Variants in UGT2B11 observed in about 807,000 individuals in gnomAD.
UGT2B11 encodes the protein UDP glucuronosyltransferase family 2 member B11.
A neutral mutation model predicts 51.7 loss-of-function variants in UGT2B11; 49 were observed. That is an observed-to-expected ratio of 0.95 (90% CI 0.75 to 1.20). UGT2B11 has a LOEUF of 1.20. UGT2B11 is among the 50% of genes most tolerant of loss of function. The pLI is 0.00. For missense variants in UGT2B11, 810 were observed against 622.1 expected, an observed-to-expected ratio of 1.30 and a Z score of -3.21; for synonymous variants, 273 against 209.0, an observed-to-expected ratio of 1.31 and a Z score of -2.64.
At chr4:69,218,417 C>T (rs1370439500), upstream of UGT2B11, among the ~76,000 whole-genome samples, 1 of 151,942 alleles carries the variant, frequency 6.6e-6, no homozygotes, top group African/African-American at 2.4e-5. Flanking sequence ...TGATGGTAAT[C>T]TTTTGAAAGG....
At chr4:69,220,917 G>A in the UGT2B11 span, among the ~76,000 whole-genome samples, 1 of 152,110 alleles carries the variant, frequency 6.6e-6, no homozygotes, top group Non-Finnish European at 1.5e-5. Flanking sequence ...TAGAGAGTCG[G>A]TAGCTAATTC....
At chr4:69,221,052 C>T in the UGT2B11 span, among the ~76,000 whole-genome samples, 6 of 152,086 alleles carry the variant, frequency 3.9e-5, no homozygotes, top group East Asian at 1.9e-4. Flanking sequence ...AATAAGGGTT[C>T]GCGTGTGGCA....
In UGT2B11 at chr4:69,205,480, C is replaced by G. The variant is rs749935406; in HGVS notation, c.1090G>C (p.Gly364Arg). Residue 364 changes from glycine (G) to arginine (R), a missense_variant and splice_region_variant, in exon 4 of 6, where the codon GGT becomes CGT. Physicochemically the swap from Gly to Arg is moderately radical, Grantham distance 125. Transcript: ENST00000446444. ...CAGTATTTGTTCACCAGAGTGTTAC[C>G]TAGAAGGTCATTCTGGGGTATCCAC... ...YKWIPQNDLLGHPKTRAFITH... is the reference protein window; with the variant it reads ...YKWIPQNDLLRHPKTRAFITH... The G allele has an allele frequency of 1.2e-6, 2 of 1,609,930 alleles. No homozygotes were observed. The highest frequency in any genetic ancestry group is 1.7e-6 in the Non-Finnish European group (2 of 1,177,500).
chr4:69,212,509 C>T, intron 2 of UGT2B11, 64 bp downstream of exon 2: 2 of 1,579,358 alleles, frequency 1.3e-6, no homozygotes, highest in African/African-American at 1.4e-5. Flanking sequence ...TGAATGAAAA[C>T]TATAGACTCA....
At chr4:69,202,601 G>A (rs913140131) in intron 5 of UGT2B11, among the ~76,000 whole-genome samples, 5 of 151,582 alleles carry the variant, frequency 3.3e-5, no homozygotes, top group African/African-American at 1.2e-4. Context: ...TATTGTATAT[G>A]TATATATGTG....
chr4:69,204,271 TA>T (rs1721766827), intron 5 of UGT2B11, 158 bp downstream of exon 5: 35 of 1,214,084 alleles, frequency 2.9e-5, no homozygotes, highest in Non-Finnish European at 3.9e-5. Flanking sequence ...ACACAATTTT[TA>T]AATAATAGAT....
At chr4:69,205,346 T>C (rs1483043819) in intron 4 of UGT2B11, 134 bp downstream of exon 4, 3 of 1,182,252 alleles carry the variant, frequency 2.5e-6, no homozygotes, top group Non-Finnish European at 3.6e-6. Flanking sequence ...CATATTCTTT[T>C]CCCCTAGGAC....
intron 3 of UGT2B11, among the ~76,000 whole-genome samples, chr4:69,207,029 T>G (rs546957432): frequency 4.6e-5 from 7 of 151,644 alleles, no homozygotes; most frequent in Non-Finnish European, 8.9e-5. Context: ...CGACAATTTT[T>G]GACACAAATT....
intron 1 of UGT2B11, 109 bp from the exon 2 acceptor site, chr4:69,212,830 T>A: frequency 8.6e-7 from 1 of 1,159,404 alleles, no homozygotes; most frequent in Non-Finnish European, 1.1e-6. Context: ...AAAGTTTATG[T>A]GCTTTGAAAA....
the UGT2B11 span, among the ~76,000 whole-genome samples, chr4:69,222,851 C>T: frequency 6.6e-6 from 1 of 152,154 alleles, no homozygotes; most frequent in Non-Finnish European, 1.5e-5. Flanking sequence ...AGTTTGGGTG[C>T]CTTATAAGCA....
chr4:69,207,991 C>T (rs148193276), intron 3 of UGT2B11, among the ~76,000 whole-genome samples: 156 of 151,718 alleles, frequency 1.0e-3, no homozygotes, highest in African/African-American at 3.5e-3. Context: ...GCACCATTTT[C>T]ACTTACCTGA....
rs986916183 is a variant in UGT2B11 at position 69,204,792 on chromosome 4, G to A, written c.1091-143C>T. On this transcript the variant is annotated intron_variant, in intron 4 of 5. Transcript: ENST00000446444. The stretch of plus-strand genomic sequence containing the variant: ...TTTCAGACTTCAGATGAAAAAGCAC[G>A]TACTTGTTTAGGAGATGTAACTGAA... 4.9e-5 allele frequency: 66 copies of A among 1,335,100 alleles called. No individual in the cohort carries two copies. In the Admixed American group the frequency reaches 6.7e-4, roughly 14 times the overall value. 82.7% of individuals were successfully genotyped at this position (1,335,100 alleles called of 1,614,324 possible).
the UGT2B11 span, among the ~76,000 whole-genome samples, chr4:69,220,459 G>T: frequency 2.8e-5 from 1 of 35,176 alleles, no homozygotes; most frequent in Non-Finnish European, 7.5e-5. Context: ...GTGTGTTGGG[G>T]GTGGGGGGGC....
chr4:69,224,326 C>G, the UGT2B11 span, among the ~76,000 whole-genome samples: 19 of 152,212 alleles, frequency 1.2e-4, no homozygotes, highest in South Asian at 1.9e-3. Context: ...ACCAGGAAAT[C>G]TGGGTGACTA....
At chr4:69,214,790 C>G (rs1722214507), upstream of UGT2B11, 1 of 1,544,416 alleles carries the variant, frequency 6.5e-7, no homozygotes, top group South Asian at 1.3e-5. Context: ...AGAGATAAAT[C>G]AATCAAGTTA....
At chr4:69,211,603 CTGTTT>C (rs924476812) in intron 2 of UGT2B11, among the ~76,000 whole-genome samples, 1 of 151,420 alleles carries the variant, frequency 6.6e-6, no homozygotes, top group African/African-American at 2.4e-5. Context: ...AGTGTTTTGT[CTGTTT>C]TAATATTTTT....
At chr4:69,219,922 C>A in the UGT2B11 span, among the ~76,000 whole-genome samples, 1 of 152,106 alleles carries the variant, frequency 6.6e-6, no homozygotes, top group African/African-American at 2.4e-5. Context: ...TCCTGCAGTT[C>A]CCCAAAGTCT....
Position 69,212,561 on chromosome 4 carries a change from A to G in UGT2B11, c.870+12T>C, listed in dbSNP as rs756668830. 9.4e-6 allele frequency: 15 copies of G among 1,599,804 alleles called. No homozygotes were observed. In the Admixed American group the frequency reaches 2.6e-4, roughly 28 times the overall value. ...GAAGCCAACAAAATAAAACCAACAA[A>G]AGTATGTTTACCTTAGGTAGGGGTT... On this transcript the variant is annotated intron_variant, in intron 2 of 5. Coordinates refer to ENST00000446444, the MANE Select transcript of UGT2B11 (RefSeq NM_001073.3).
At chr4:69,205,069 G>C (rs572200895) in intron 4 of UGT2B11, among the ~76,000 whole-genome samples, 3 of 151,534 alleles carry the variant, frequency 2.0e-5, no homozygotes, top group African/African-American at 7.3e-5. Flanking sequence ...GAAATGTGTC[G>C]TTACTTTAAG....
Sources: allele counts gnomAD v4.1 joint callset (sites outside exome capture counted in the v4.1 genomes callset), GRCh38; gene constraint gnomAD v4.1.1; transcripts MANE v1.5; gene names NCBI Gene and HGNC (gene_info 2026-07-23, HGNC 2026-07-21).